LBR: variants seen among roughly 807,000 people sequenced by gnomAD.
LBR encodes lamin B receptor.
Under a neutral mutation model 74.3 loss-of-function variants are expected in LBR, and 28 were observed. The ratio of observed to expected loss-of-function variants is 0.38; its 90% CI spans 0.28 to 0.52. The LOEUF (loss-of-function observed/expected upper bound fraction) is 0.52. LBR is among the 20% of genes least tolerant of loss of function. The pLI, the probability that LBR is intolerant of heterozygous loss-of-function variation, is 0.89. For missense variants in LBR, 717 were observed against 760.3 expected (o/e 0.94, Z 0.67); for synonymous variants, 228 against 269.3 (o/e 0.85, Z 1.50).
chr1:225,407,391 A>G (rs2096094331), intron 10 of LBR, among the ~76,000 whole-genome samples: 1 of 152,244 alleles, frequency 6.6e-6, no homozygotes, highest in African/African-American at 2.4e-5. Flanking sequence ...TTTTGTTTCA[A>G]TTCCACATGG....
rs144672633 is a variant in LBR at position 225,410,368 on chromosome 1, G to A, written c.1237C>T (p.Arg413Cys). The change falls in exon 10 of 14, where the codon CGC becomes TGC. Residue 413 changes from arginine (R) to cysteine (C), a missense_variant. By Grantham distance (180) the Arg-to-Cys change is radical. Coordinates refer to ENST00000272163, the MANE Select transcript of LBR (RefSeq NM_002296.4). ...MLLAEMKIQD[R>C]AVPSLAMILV... ...ATCATGGCCAAGGATGGAACAGCGC[G>A]GTCCTGTATTTTCATTTCAGCCAAA... 1.6e-4 allele frequency: 254 copies of A among 1,614,118 alleles called. No individual in the cohort carries two copies. The African/African-American group carries it at 2.5e-3, about 16-fold the overall frequency.
chr1:225,412,302 CTT>C (rs2150949991), intron 8 of LBR, 150 bp downstream of exon 8: 1 of 718,460 alleles, frequency 1.4e-6, no homozygotes, highest in African/African-American at 1.8e-5. Flanking sequence ...ATTCATATCT[CTT>C]TAACGTTTTT....
intron 1 of LBR, among the ~76,000 whole-genome samples, chr1:225,426,969 T>G (rs1316889752): frequency 6.6e-6 from 1 of 152,202 alleles, no homozygotes; most frequent in Non-Finnish European, 1.5e-5. Flanking sequence ...TCTCCGTAGC[T>G]CCATCTTCTC....
At chr1:225,426,771 T>C (rs1359356360) in intron 1 of LBR, among the ~76,000 whole-genome samples, 2 of 152,094 alleles carry the variant, frequency 1.3e-5, no homozygotes, top group Admixed American at 1.3e-4. Flanking sequence ...TCCGCGCCCT[T>C]TGCTTCATGA....
chr1:225,406,865 A>T (rs2096093005), intron 10 of LBR, 33 bp from the exon 11 acceptor site: 2 of 1,603,730 alleles, frequency 1.2e-6, no homozygotes, highest in Non-Finnish European at 8.5e-7. Context: ...AGGGAGAAGG[A>T]GCTTCTGTGT....
At chr1:225,422,652 A>T (rs958146808) in intron 2 of LBR, among the ~76,000 whole-genome samples, 1 of 152,124 alleles carries the variant, frequency 6.6e-6, no homozygotes, top group African/African-American at 2.4e-5. Flanking sequence ...AAAAAACAGT[A>T]CCACAGTTTC....
chr1:225,418,827 T>C (rs1169990193), intron 5 of LBR, among the ~76,000 whole-genome samples: 1 of 152,174 alleles, frequency 6.6e-6, no homozygotes, highest in African/African-American at 2.4e-5. Flanking sequence ...TCAACCCGCC[T>C]AGCAGGTAGG....
chr1:225,404,760 T>A, intron 11 of LBR, 54 bp from the exon 12 acceptor site: 1 of 1,185,692 alleles, frequency 8.4e-7, no homozygotes, highest in Non-Finnish European at 1.3e-6. Context: ...CTCTAATGCT[T>A]AATAGCATCT....
intron 10 of LBR, among the ~76,000 whole-genome samples, chr1:225,409,082 G>C (rs931067756): frequency 5.3e-5 from 8 of 152,352 alleles, no homozygotes; most frequent in Non-Finnish European, 8.8e-5. Context: ...ACTGGTAACA[G>C]TAAGTGCATT....
intron 9 of LBR, among the ~76,000 whole-genome samples, chr1:225,410,797 T>C (rs922638863): frequency 6.6e-6 from 1 of 152,198 alleles, no homozygotes; most frequent in Admixed American, 6.5e-5. Context: ...ACTAAATGTA[T>C]TGTGGAGTCC....
chr1:225,403,588 G>C (rs1355606913), intron 13 of LBR, 125 bp from the exon 14 acceptor site: 6 of 732,182 alleles, frequency 8.2e-6, no homozygotes, highest in Non-Finnish European at 1.4e-5. Context: ...TAATAATGAT[G>C]AGAATAATTA....
chr1:225,412,240 A>G (rs1468321133), intron 8 of LBR, among the ~76,000 whole-genome samples: 1 of 152,270 alleles, frequency 6.6e-6, no homozygotes, highest in Non-Finnish European at 1.5e-5. Flanking sequence ...TGCAAAAAAA[A>G]GAAATGAGTA....
At chr1:225,427,020 C>T (rs1377157007) in intron 1 of LBR, among the ~76,000 whole-genome samples, 2 of 152,238 alleles carry the variant, frequency 1.3e-5, no homozygotes, top group Non-Finnish European at 2.9e-5. Flanking sequence ...CAGATCTACA[C>T]GTGTTTACGT....
chr1:225,420,262 C>A (rs1214473314), intron 3 of LBR, among the ~76,000 whole-genome samples: 3 of 151,452 alleles, frequency 2.0e-5, no homozygotes, highest in Non-Finnish European at 4.4e-5. Flanking sequence ...TGAGCCAAGA[C>A]CGCGCCATTG....
chr1:225,403,230 C>T lies in LBR; in HGVS notation c.*73G>A, dbSNP rs569229721. ...CTGTCAGTGCAACAAAAGAAAGTTT[C>T]GGATTTTTTTCCTTGTTTTTGCAAA... On this transcript the variant is annotated 3_prime_UTR_variant, in exon 14 of 14. Transcript: ENST00000272163. 4.3e-5 allele frequency: 63 copies of T among 1,466,960 alleles called. No homozygotes were observed. In the African/African-American group the frequency reaches 7.1e-4, roughly 16 times the overall value. 90.9% of individuals were successfully genotyped at this position (1,466,960 alleles called of 1,614,324 possible).
Position 225,406,909 on chromosome 1 carries a change from C to A in LBR, c.1315-77G>T, listed in dbSNP as rs1324134529. ...TTCAAATAAAGTACTAGTTTACAGG[C>A]AAATGTAAAAAGTGCTATGGGCGGG... On this transcript the variant is annotated intron_variant, in intron 10 of 13. Coordinates refer to ENST00000272163, the MANE Select transcript of LBR (RefSeq NM_002296.4). 5 of 1,435,014 alleles carry A rather than the reference C, an allele frequency of 3.5e-6. No individual in the cohort carries two copies. In the South Asian group the frequency reaches 3.5e-5, roughly 10 times the overall value. 88.9% of individuals were successfully genotyped at this position (1,435,014 alleles called of 1,614,324 possible). A position where few individuals can be genotyped will look rare whatever the true frequency, so the allele number is the denominator to read the frequency against.
At chr1:225,411,593 G>A (rs533348127) in intron 8 of LBR, among the ~76,000 whole-genome samples, 153 bp from the exon 9 acceptor site, 19 of 152,336 alleles carry the variant, frequency 1.2e-4, no homozygotes, top group African/African-American at 4.6e-4. Flanking sequence ...GGACGGCACA[G>A]ACGAGCGGAA....
Position 225,403,821 on chromosome 1 carries a change from C to T in LBR, c.1688-358G>A, listed in dbSNP as rs2096085917. 2.0e-5 allele frequency among the ~76,000 whole-genome samples: 3 copies of T among 152,130 alleles called. No homozygotes were observed. In the South Asian group the frequency reaches 6.2e-4, roughly 32 times the overall value. Reference sequence around the variant, plus strand: ...CCACCAAACAGGCAGCAGGCACGGGCCAGCTCCTCCACCTCCACCAGCTCC... The same window carrying T: ...CCACCAAACAGGCAGCAGGCACGGGTCAGCTCCTCCACCTCCACCAGCTCC... On this transcript the variant is annotated intron_variant, in intron 13 of 13. Coordinates refer to ENST00000272163, the MANE Select transcript of LBR (RefSeq NM_002296.4).
intron 11 of LBR, 118 bp from the exon 12 acceptor site, chr1:225,404,824 T>G: frequency 1.3e-6 from 1 of 793,852 alleles, no homozygotes. Context: ...CAAAGCAGAC[T>G]CCTAGGCTCA....
Sources: gnomAD v4.1 joint callset for allele counts (sites outside exome capture counted in the v4.1 genomes callset) on GRCh38, gnomAD v4.1.1 for gene constraint, MANE v1.5 for transcripts, NCBI Gene and HGNC (gene_info 2026-07-23, HGNC 2026-07-21) for gene names.